The following LRP12 variants were observed in gnomAD, a reference collection of about 807,000 sequenced individuals.
LRP12 encodes low-density lipoprotein receptor-related protein 12.
In LRP12, 14 loss-of-function variants were observed where a neutral mutation model predicts 66.0. The observed-to-expected ratio is 0.21, with a 90% confidence interval of 0.14 to 0.33. The LOEUF is 0.33. Among genes scored for constraint, LRP12 ranks in the 10% least tolerant of loss-of-function variants. The pLI, the probability that LRP12 is intolerant of heterozygous loss-of-function variation, is 1.00. For missense variants in LRP12, 889 were observed against 1,053.4 expected, an observed-to-expected ratio of 0.84 and a Z score of 2.16; for synonymous variants, 357 against 359.1, an observed-to-expected ratio of 0.99 and a Z score of 0.07.
At chr8:104,539,309 A>C (rs1174901932) in intron 1 of LRP12, among the ~76,000 whole-genome samples, 1 of 152,212 alleles carries the variant, frequency 6.6e-6, no homozygotes, top group East Asian at 1.9e-4. Flanking sequence ...CTAAAATATT[A>C]GTGGATGAAA....
intron 1 of LRP12, among the ~76,000 whole-genome samples, chr8:104,549,569 A>G (rs1171909872): frequency 6.6e-6 from 1 of 151,690 alleles, no homozygotes; most frequent in African/African-American, 2.4e-5. Flanking sequence ...CACCTGGCTA[A>G]TTTTTTGTAT....
chr8:104,492,273 A>G (rs998892679), intron 6 of LRP12, among the ~76,000 whole-genome samples: 1 of 152,202 alleles, frequency 6.6e-6, no homozygotes, highest in Non-Finnish European at 1.5e-5. Context: ...TCATTCTTTG[A>G]AAACTAGTTA....
At chr8:104,567,836 C>T (rs921117142) in intron 1 of LRP12, among the ~76,000 whole-genome samples, 1 of 152,138 alleles carries the variant, frequency 6.6e-6, no homozygotes, top group African/African-American at 2.4e-5. Flanking sequence ...ATTGGTAAGA[C>T]AATTCTTGAC....
chr8:104,490,053 T>C lies in LRP12; in HGVS notation c.*620A>G, dbSNP rs2140823410. The stretch of plus-strand genomic sequence containing the variant: ...ACATTAGAAAATCTTTATAAAAGAG[T>C]TTTGTTTTTGCCAGTAATTTATCGA... On this transcript the variant is annotated 3_prime_UTR_variant, in exon 7 of 7. Coordinates refer to ENST00000276654, the MANE Select transcript of LRP12 (RefSeq NM_013437.5). 6.5e-6 allele frequency: 1 copy of C among 152,686 alleles called. No individual in the cohort carries two copies. Among genetic ancestry groups the C allele is most frequent in the Middle Eastern group, 3.4e-3 (1 of 292 alleles). 9.5% of individuals were successfully genotyped at this position (152,686 alleles called of 1,614,324 possible).
At chr8:104,555,352 C>CT (rs1811789525) in intron 1 of LRP12, among the ~76,000 whole-genome samples, 2 of 152,074 alleles carry the variant, frequency 1.3e-5, no homozygotes, top group African/African-American at 4.8e-5. Flanking sequence ...GGCCTAAATC[C>CT]TCCACTTAGA....
At chr8:104,546,948 AATAT>A (rs1328438463) in intron 1 of LRP12, among the ~76,000 whole-genome samples, 1 of 143,554 alleles carries the variant, frequency 7.0e-6, no homozygotes, top group South Asian at 2.1e-4. Flanking sequence ...TTTTGTATAT[AATAT>A]ATAATTATAT....
chr8:104,555,857 T>C (rs1432961964), intron 1 of LRP12, among the ~76,000 whole-genome samples: 3 of 152,084 alleles, frequency 2.0e-5, no homozygotes, highest in Non-Finnish European at 2.9e-5. Flanking sequence ...CTGTAGAATA[T>C]ACATTCTATT....
chr8:104,558,811 A>G (rs12680920), intron 1 of LRP12, among the ~76,000 whole-genome samples: 36,500 of 151,986 alleles, frequency 0.24, 4,455 homozygotes, highest in Middle Eastern at 0.31. Flanking sequence ...TGAATAAACA[A>G]TTCTTTAAAG....
At chr8:104,564,142 A>G (rs936829673) in intron 1 of LRP12, among the ~76,000 whole-genome samples, 1 of 152,106 alleles carries the variant, frequency 6.6e-6, no homozygotes, top group Non-Finnish European at 1.5e-5. Flanking sequence ...TTTTTTTTTA[A>G]AAGTGCTGTA....
intron 1 of LRP12, among the ~76,000 whole-genome samples, chr8:104,542,011 T>C (rs1472341328): frequency 1.3e-5 from 2 of 152,162 alleles, no homozygotes; most frequent in Non-Finnish European, 2.9e-5. Flanking sequence ...CTTTAGTATG[T>C]AGAGAGAGTG....
chr8:104,562,087 A>G (rs895556972), intron 1 of LRP12, among the ~76,000 whole-genome samples: 1 of 152,152 alleles, frequency 6.6e-6, no homozygotes, highest in East Asian at 1.9e-4. Context: ...TTTCTGGAAA[A>G]CAAATCCTGG....
chr8:104,492,560 C>T (rs552027449), intron 6 of LRP12, among the ~76,000 whole-genome samples: 2 of 152,272 alleles, frequency 1.3e-5, no homozygotes, highest in South Asian at 2.1e-4. Context: ...ACTCACACCT[C>T]TTCCCTTTCC....
chr8:104,558,740 G>A (rs1564144890), intron 1 of LRP12, among the ~76,000 whole-genome samples: 1 of 150,524 alleles, frequency 6.6e-6, no homozygotes, highest in Non-Finnish European at 1.5e-5. Context: ...AATCTACAAG[G>A]AACTCAGAGC....
chr8:104,497,314 C>T lies in LRP12; in HGVS notation c.1238G>A (p.Cys413Tyr). ...GGAACATGGAAATTCTTCCTTCTGG[C>T]ACATGGTACAATTGGTTTCATCCCT... ...NGRDETNCTM[C>Y]QKEEFPCSRN... is the part of the protein sequence containing the mutation. The change falls in exon 5 of 7, where the codon TGC (cysteine) becomes TAC (tyrosine). Residue 413 changes from cysteine (C) to tyrosine (Y), a missense_variant. Cys to Tyr is a radical substitution (Grantham distance 194, BLOSUM62 -2). Transcript: ENST00000276654. The surrounding 1 kb of genome is among the most constrained non-coding windows in gnomAD (Gnocchi z 4.3). 1 of 1,614,166 alleles carries T rather than the reference C, an allele frequency of 6.2e-7. No individual in the cohort carries two copies. The highest frequency in any genetic ancestry group is 8.5e-7 in the Non-Finnish European group (1 of 1,180,018).
At chr8:104,569,873 T>C (rs773904064) in intron 1 of LRP12, among the ~76,000 whole-genome samples, 1 of 151,930 alleles carries the variant, frequency 6.6e-6, no homozygotes, top group Non-Finnish European at 1.5e-5. Context: ...AATAATACTG[T>C]CCATATTCAC....
intron 1 of LRP12, among the ~76,000 whole-genome samples, chr8:104,563,583 C>T (rs1811948749): frequency 6.6e-6 from 1 of 152,012 alleles, no homozygotes. Context: ...TGGTTGAAAT[C>T]CTAACTCCTA....
intron 3 of LRP12, chr8:104,504,346 C>T (rs1295844646): frequency 6.6e-6 from 1 of 151,936 alleles, no homozygotes; most frequent in Non-Finnish European, 1.5e-5. Flanking sequence ...CTGGTCTTTA[C>T]TGCTACTTTA....
At chr8:104,567,420 G>GC (rs538094153) in intron 1 of LRP12, among the ~76,000 whole-genome samples, 43 of 152,108 alleles carry the variant, frequency 2.8e-4, no homozygotes, top group African/African-American at 1.0e-3. Flanking sequence ...GGAAAGACTG[G>GC]CCCCCCATGA....
chr8:104,510,864 ACTGAT>A (rs1234538830), intron 2 of LRP12, among the ~76,000 whole-genome samples: 2 of 152,044 alleles, frequency 1.3e-5, no homozygotes. Flanking sequence ...TAATATTCAT[ACTGAT>A]CTAAGAGTTG....
Sources: gnomAD v4.1 joint callset for allele counts (sites outside exome capture counted in the v4.1 genomes callset) on GRCh38, gnomAD v4.1.1 for gene constraint, Gnocchi (gnomAD v3.1) non-coding constraint, MANE v1.5 for transcripts, NCBI Gene and HGNC (gene_info 2026-07-23, HGNC 2026-07-21) for gene names.